Variants in HMGCS2 observed in about 807,000 individuals in gnomAD.
The protein encoded by HMGCS2 is hydroxymethylglutaryl-CoA synthase, mitochondrial.
HMGCS2 carries 50 observed loss-of-function variants against 57.4 expected under a neutral mutation model. The observed-to-expected ratio is 0.87, with a 90% CI of 0.69 to 1.10. The LOEUF (loss-of-function observed/expected upper bound fraction) is 1.10. Among genes scored for constraint, HMGCS2 ranks in the 50% least tolerant of loss-of-function variants. The pLI is 0.00. For missense variants in HMGCS2, 627 were observed against 636.5 expected, an observed-to-expected ratio of 0.99 and a Z score of 0.16; for synonymous variants, 254 against 245.1, an observed-to-expected ratio of 1.04 and a Z score of -0.34.
intron 7 of HMGCS2, 41 bp from the exon 8 acceptor site, chr1:119,752,715 C>A (rs763311038): frequency 6.2e-7 from 1 of 1,611,864 alleles, no homozygotes; most frequent in Non-Finnish European, 8.5e-7. Context: ...TTTTCATTGT[C>A]ATTATCACTA....
Position 119,764,461 on chromosome 1 carries a change from C to T in HMGCS2, c.270G>A (p.Gln90=), listed in dbSNP as rs41302817. ...GGACTGAGCAGAAGCCCATACGGGT[C>T]TGGCCCAAGCCCACTGTATACTTTC... ...EAGKYTVGLG[Q]TRMGFCSVQE... Residue 90 remains glutamine (Q), a synonymous_variant, in exon 2 of 10, where the codon CAG becomes CAA. Coordinates refer to ENST00000369406, the MANE Select transcript of HMGCS2 (RefSeq NM_005518.4). 1.8e-3 allele frequency: 2,935 copies of T among 1,613,020 alleles called. 11 individuals are homozygous for T. The highest frequency in any genetic ancestry group is 1.6e-3 in the Non-Finnish European group (1,865 of 1,179,052).
chr1:119,763,992 T>C (rs777266067), intron 2 of HMGCS2, among the ~76,000 whole-genome samples, 180 bp downstream of exon 2: 3 of 152,244 alleles, frequency 2.0e-5, no homozygotes, highest in Non-Finnish European at 4.4e-5. Flanking sequence ...GTGAACATGC[T>C]ACCTAACTGT....
chr1:119,767,580 A>G (rs144457613), intron 1 of HMGCS2, among the ~76,000 whole-genome samples: 1 of 152,328 alleles, frequency 6.6e-6, no homozygotes, highest in African/African-American at 2.4e-5. Flanking sequence ...TGTGGGTTGG[A>G]TTAAAGGCGA....
chr1:119,768,660 G>C lies in HMGCS2; in HGVS notation c.104+81C>G, dbSNP rs587633471. The C allele has an allele frequency of 5.3e-5, 57 of 1,080,432 alleles. No individual in the cohort carries two copies. In the Admixed American group the frequency reaches 5.6e-4, roughly 11 times the overall value. The allele number at this position is 1,080,432 out of a possible 1,614,324, so 66.9% of individuals were successfully genotyped here. A position where few individuals can be genotyped will look rare whatever the true frequency, so the allele number is the denominator to read the frequency against. ...GCACAAGCCTTGCCAAATTTTGAGT[G>C]GGATTCTAGTGAGTTTTCCCCAATA... On this transcript the variant is annotated intron_variant, in intron 1 of 9. Coordinates refer to ENST00000369406, the MANE Select transcript of HMGCS2 (RefSeq NM_005518.4).
intron 1 of HMGCS2, among the ~76,000 whole-genome samples, chr1:119,766,388 A>G (rs1002747924): frequency 2.0e-5 from 3 of 152,202 alleles, no homozygotes; most frequent in Non-Finnish European, 4.4e-5. Context: ...TGGAACTCAG[A>G]TTGAATGTGT....
intron 1 of HMGCS2, 21 bp downstream of exon 1, chr1:119,768,720 G>A (rs1653320711): frequency 1.6e-5 from 24 of 1,536,062 alleles, no homozygotes; most frequent in Non-Finnish European, 2.2e-5. Context: ...GTTACAAGGT[G>A]CTTCTCAGAA....
Position 119,755,518 on chromosome 1 carries a change from T to C in HMGCS2, c.1096A>G (p.Lys366Glu). The change falls in exon 6 of 10, where the codon AAG becomes GAG. Residue 366 changes from lysine to glutamate, a missense_variant. Transcript: ENST00000369406. ...AGGTAAAGGGAAGCCTTGGTTTTCT[T>C]GTCGAACATGTCCTGAGAGGCCTTT... The part of the protein sequence containing the change: ...LLKASQDMFD[K>E]KTKASLYLST... 3 of 1,614,116 alleles carry C rather than the reference T, an allele frequency of 1.9e-6. No individual in the cohort carries two copies. The Admixed American group carries it at 5.0e-5, about 27-fold the overall frequency.
At chr1:119,766,558 T>C (rs2101278580) in intron 1 of HMGCS2, among the ~76,000 whole-genome samples, 1 of 152,172 alleles carries the variant, frequency 6.6e-6, no homozygotes, top group East Asian at 1.9e-4. Context: ...ACAGGAGAGG[T>C]TTGGAGTTTA....
intron 4 of HMGCS2, 40 bp downstream of exon 4, chr1:119,759,078 G>T: frequency 6.2e-7 from 1 of 1,607,194 alleles, no homozygotes; most frequent in Non-Finnish European, 8.5e-7. Flanking sequence ...CTTGGCCTAT[G>T]TAAATAGAGC....
rs145514933 is a variant in HMGCS2 at position 119,764,518 on chromosome 1, A to T, written c.213T>A (p.Thr71=). The T allele has an allele frequency of 6.2e-7, 1 of 1,613,744 alleles. No homozygotes were observed. Among genetic ancestry groups the T allele is most frequent in the African/African-American group, 1.3e-5 (1 of 74,936 alleles). ...VYFPAQYVDQ[T]DLEKYNNVEA... ...CCACATTGTTATACTTCTCCAGGTCAGTTTGGTCCACATATTGGGCTGGGA... is the reference window on the plus strand; with the variant it reads ...CCACATTGTTATACTTCTCCAGGTCTGTTTGGTCCACATATTGGGCTGGGA... Residue 71 remains threonine (T), a synonymous_variant, in exon 2 of 10, where the codon ACT becomes ACA. Transcript: ENST00000369406.
intron 2 of HMGCS2, among the ~76,000 whole-genome samples, chr1:119,761,222 T>C (rs940060079): frequency 1.2e-4 from 18 of 148,202 alleles, no homozygotes; most frequent in African/African-American, 4.2e-4. Context: ...ATAATTTTTA[T>C]ATACATAAAA....
chr1:119,751,412 G>T (rs1652657955), intron 8 of HMGCS2, among the ~76,000 whole-genome samples: 2 of 150,456 alleles, frequency 1.3e-5, no homozygotes, highest in Non-Finnish European at 3.0e-5. Flanking sequence ...TGTCACCCAG[G>T]CTAGAGTGTG....
chr1:119,762,375 G>A (rs1653074955), intron 2 of HMGCS2, among the ~76,000 whole-genome samples: 1 of 151,940 alleles, frequency 6.6e-6, no homozygotes, highest in Non-Finnish European at 1.5e-5. Context: ...CAAATGAGGA[G>A]TCTTTCTTTG....
In HMGCS2 at chr1:119,750,089, C is replaced by T. The variant is rs587643313; in HGVS notation, c.*5+708G>A. 3.9e-5 allele frequency among the ~76,000 whole-genome samples: 6 copies of T among 152,244 alleles called. No individual in the cohort carries two copies. The South Asian group carries it at 1.0e-3, about 26-fold the overall frequency. ...TCCTTGTGTCCACGAATTTCCTGAA[C>T]CTCATTGCTTCTCCCCAGAAGGAAT... is the stretch of plus-strand genomic sequence containing the variant. On this transcript the variant is annotated intron_variant, in intron 9 of 9. Coordinates refer to ENST00000369406, the MANE Select transcript of HMGCS2 (RefSeq NM_005518.4).
At chr1:119,754,720 C>A (rs1377258911) in intron 6 of HMGCS2, among the ~76,000 whole-genome samples, 1 of 152,180 alleles carries the variant, frequency 6.6e-6, no homozygotes, top group African/African-American at 2.4e-5. Context: ...AAAGTCAACC[C>A]TAATAATTGG....
chr1:119,764,396 CG>C lies in HMGCS2; in HGVS notation c.334del (p.Arg112GlyfsTer2). 1.2e-6 allele frequency: 2 copies of C among 1,614,244 alleles called. No individual in the cohort carries two copies. Among genetic ancestry groups the C allele is most frequent in the Non-Finnish European group, 1.7e-6 (2 of 1,180,050 alleles). Reference protein sequence around the residue: ...INSLCLTVVQRLMERIQLPWD... With the variant: ...INSLCLTVVQXLMERIQLPWD... ...TGGGAGCTGTATGCGCTCCATCAGC[CG>C]TTGCACCACCGTCAGGCACAGGGAG... On this transcript the variant is annotated frameshift_variant, in exon 2 of 10. Transcript: ENST00000369406. LOFTEE classifies it high-confidence loss of function.
chr1:119,755,738 G>T (rs759944719), intron 5 of HMGCS2, 141 bp from the exon 6 acceptor site: 190 of 812,778 alleles, frequency 2.3e-4, no homozygotes, highest in Non-Finnish European at 3.5e-4. Context: ...CAGTACAGAG[G>T]AGAACATACC....
At chr1:119,757,683 G>C (rs1460725004) in intron 4 of HMGCS2, among the ~76,000 whole-genome samples, 1 of 152,146 alleles carries the variant, frequency 6.6e-6, no homozygotes, top group African/African-American at 2.4e-5. Flanking sequence ...TATGATACTT[G>C]GCTCAAATCA....
intron 6 of HMGCS2, among the ~76,000 whole-genome samples, chr1:119,755,026 T>C (rs1652789397): frequency 6.6e-6 from 1 of 152,134 alleles, no homozygotes; most frequent in Admixed American, 6.5e-5. Flanking sequence ...TATATTTATT[T>C]ATTTATTTAT....
Sources: allele counts gnomAD v4.1 joint callset (sites outside exome capture counted in the v4.1 genomes callset), GRCh38; gene constraint gnomAD v4.1.1; transcripts MANE v1.5; gene names NCBI Gene and HGNC (gene_info 2026-07-23, HGNC 2026-07-21).